NSMAF: variants seen among roughly 807,000 people sequenced by gnomAD.
NSMAF encodes neutral sphingomyelinase activation associated factor, also known as protein FAN.
In NSMAF, 90 loss-of-function variants were observed where a neutral mutation model predicts 134.9. The observed-to-expected ratio is 0.67, with a 90% CI of 0.56 to 0.79. The LOEUF (loss-of-function observed/expected upper bound fraction) is 0.79. NSMAF is among the 30% of genes least tolerant of loss of function. The probability of loss-of-function intolerance (pLI) is 0.00; values close to 1 mark genes in which losing one functional copy is unlikely to be tolerated. For missense variants in NSMAF, 1,010 were observed against 1,119.0 expected (o/e 0.90, Z 1.39); for synonymous variants, 358 against 389.6 (o/e 0.92, Z 0.96).
chr8:58,586,341 T>A, intron 28 of NSMAF, 117 bp downstream of exon 28: 2 of 1,059,484 alleles, frequency 1.9e-6, no homozygotes. Flanking sequence ...ACCTCTTTTA[T>A]CAGCAAATAG....
At chr8:58,613,384 C>A (rs926159872) in intron 9 of NSMAF, among the ~76,000 whole-genome samples, 2 of 151,996 alleles carry the variant, frequency 1.3e-5, no homozygotes, top group Admixed American at 1.3e-4. Context: ...TGTAAAGTAG[C>A]ATGAAATGAT....
intron 30 of NSMAF, among the ~76,000 whole-genome samples, chr8:58,584,500 T>C (rs1805840075): frequency 6.6e-6 from 1 of 152,136 alleles, no homozygotes; most frequent in Non-Finnish European, 1.5e-5. Flanking sequence ...ACAATACAGG[T>C]ATAACATGAC....
At chr8:58,659,360 C>T (rs1807804953) in intron 1 of NSMAF, 1 of 1,525,388 alleles carries the variant, frequency 6.6e-7, no homozygotes, top group Non-Finnish European at 8.8e-7. Context: ...GTTCCTGTCC[C>T]CGGCAGGCTC....
intron 11 of NSMAF, 91 bp from the exon 12 acceptor site, chr8:58,606,126 T>C: frequency 9.0e-7 from 1 of 1,113,988 alleles, no homozygotes; most frequent in South Asian, 1.7e-5. Flanking sequence ...AACATTCAGT[T>C]AAACATTTGT....
intron 1 of NSMAF, among the ~76,000 whole-genome samples, chr8:58,648,194 GA>G (rs570552975): frequency 4.8e-4 from 73 of 152,330 alleles, no homozygotes; most frequent in Admixed American, 3.9e-3. Flanking sequence ...GTGGAAGGTT[GA>G]ACTTAAGAGT....
chr8:58,607,191 T>C (rs1390370688), intron 11 of NSMAF, among the ~76,000 whole-genome samples: 1 of 152,248 alleles, frequency 6.6e-6, no homozygotes, highest in African/African-American at 2.4e-5. Context: ...CTTGGAATCA[T>C]ACCTTCTGTA....
Position 58,583,575 on chromosome 8 carries a change from C to T in NSMAF, c.*531G>A, listed in dbSNP as rs915234018. The T allele has an allele frequency of 6.4e-6, 1 of 156,042 alleles. No homozygotes were observed. The allele number at this position is 156,042 out of a possible 1,614,324, so 9.7% of individuals were successfully genotyped here. A position where few individuals can be genotyped will look rare whatever the true frequency, so the allele number is the denominator to read the frequency against. ...TAATGAAATACAAACCGTTCCTATA[C>T]ACAGTAAACTTACTAAGAACTGCTA... On this transcript the variant is annotated 3_prime_UTR_variant, in exon 31 of 31. Coordinates refer to ENST00000038176, the MANE Select transcript of NSMAF (RefSeq NM_003580.4).
In NSMAF at chr8:58,619,153, C is replaced by T. The variant is rs1806728786; in HGVS notation, c.557+4067G>A. On this transcript the variant is annotated intron_variant, in intron 9 of 30. Transcript: ENST00000038176. ...TAAGCAATTCACTTACCTAATATAT[C>T]CTGCCAGTATAAAAATGGAAATAAA... Among the ~76,000 whole-genome samples the T allele has an allele frequency of 2.0e-5, 3 of 152,112 alleles. No homozygotes were observed. The South Asian group carries it at 6.2e-4, about 31-fold the overall frequency.
chr8:58,648,727 CA>C (rs1807515830), intron 1 of NSMAF, among the ~76,000 whole-genome samples: 1 of 152,202 alleles, frequency 6.6e-6, no homozygotes, highest in Admixed American at 6.5e-5. Context: ...CCAAAGGGTG[CA>C]AGACATTAGC....
chr8:58,589,915 G>A lies in NSMAF; in HGVS notation c.2087+92C>T, dbSNP rs1337207265. 8.7e-6 allele frequency: 9 copies of A among 1,032,690 alleles called. No individual in the cohort carries two copies. The African/African-American group carries it at 1.3e-4, about 15-fold the overall frequency. The allele number at this position is 1,032,690 out of a possible 1,614,324, so 64.0% of individuals were successfully genotyped here. A position where few individuals can be genotyped will look rare whatever the true frequency, so the allele number is the denominator to read the frequency against. ...CCTTTAGAAAACAGTGCTGTGTCCT[G>A]GCAGGGAAAGCTTCTGGCTTTTCAC... On this transcript the variant is annotated intron_variant, in intron 25 of 30. Coordinates refer to ENST00000038176, the MANE Select transcript of NSMAF (RefSeq NM_003580.4).
chr8:58,659,733 G>T lies in NSMAF; in HGVS notation c.-102C>A. 1 of 960,634 alleles carries T rather than the reference G, an allele frequency of 1.0e-6. No homozygotes were observed. Among genetic ancestry groups the T allele is most frequent in the South Asian group, 4.7e-5 (1 of 21,168 alleles). The allele number at this position is 960,634 out of a possible 1,614,324, so 59.5% of individuals were successfully genotyped here. A position where few individuals can be genotyped will look rare whatever the true frequency, so the allele number is the denominator to read the frequency against. The stretch of plus-strand genomic sequence containing the variant: ...GGGAGGGCGGGATTGGTGGCCGGCT[G>T]GGGAGCGCGCGGCTGCCGGCCTGGC... On this transcript the variant is annotated 5_prime_UTR_variant, in exon 1 of 31. Transcript: ENST00000038176.
Position 58,586,356 on chromosome 8 carries a change from T to C in NSMAF, c.2446+102A>G, listed in dbSNP as rs1313149015. Reference sequence around the variant, plus strand: ...ACCTCTTTTATCAGCAAATAGTGTTTTTCTTTGTAAGTTTTATTGTTTATT... The same window carrying C: ...ACCTCTTTTATCAGCAAATAGTGTTCTTCTTTGTAAGTTTTATTGTTTATT... On this transcript the variant is annotated intron_variant, in intron 28 of 30. Coordinates refer to ENST00000038176, the MANE Select transcript of NSMAF (RefSeq NM_003580.4). 5.7e-6 allele frequency: 7 copies of C among 1,220,184 alleles called. 1 individual carries two copies. The Admixed American group carries it at 1.3e-4, about 22-fold the overall frequency. The allele number at this position is 1,220,184 out of a possible 1,614,324, so 75.6% of individuals were successfully genotyped here. A position where few individuals can be genotyped will look rare whatever the true frequency, so the allele number is the denominator to read the frequency against.
Position 58,654,580 on chromosome 8 carries a change from C to T in NSMAF, c.59+4993G>A, listed in dbSNP as rs113047690. Among the ~76,000 whole-genome samples the T allele has an allele frequency of 8.8e-3, 1,335 of 152,162 alleles. 22 individuals are homozygous for T. The highest frequency in any genetic ancestry group is 0.03 in the African/African-American group (1,254 of 41,500). Reference sequence around the variant, plus strand: ...AAGAAAAAAAGAAAGAAAGTTAATACTAGCATAATCAAGAATATTATACAC... The same window carrying T: ...AAGAAAAAAAGAAAGAAAGTTAATATTAGCATAATCAAGAATATTATACAC... On this transcript the variant is annotated intron_variant, in intron 1 of 30. Coordinates refer to ENST00000038176, the MANE Select transcript of NSMAF (RefSeq NM_003580.4).
At position 58,642,978 on chromosome 8, in the gene NSMAF, C is replaced by A. The variant is rs752416463; in HGVS notation, c.149+6G>T. The A allele has an allele frequency of 3.1e-6, 5 of 1,605,812 alleles. No homozygotes were observed. The South Asian group carries it at 4.4e-5, about 14-fold the overall frequency. ...TTTGTCCAAGGAGATACCGAAGCTTCCTTACCTTTCATGGTGACTGCCCTT... is the reference window on the plus strand; with the variant it reads ...TTTGTCCAAGGAGATACCGAAGCTTACTTACCTTTCATGGTGACTGCCCTT... On this transcript the variant is annotated splice_donor_region_variant and intron_variant, in intron 2 of 30. Transcript: ENST00000038176.
intron 10 of NSMAF, among the ~76,000 whole-genome samples, chr8:58,609,306 G>A (rs1806473514): frequency 1.3e-5 from 2 of 152,174 alleles, no homozygotes; most frequent in Admixed American, 6.5e-5. Context: ...CTAGAAGAAA[G>A]GTCTAAATCT....
At position 58,644,144 on chromosome 8, in the gene NSMAF, G is replaced by C. The variant is rs896231056; in HGVS notation, c.60-1071C>G. 2.6e-5 allele frequency among the ~76,000 whole-genome samples: 4 copies of C among 152,202 alleles called. No individual in the cohort carries two copies. The South Asian group carries it at 6.2e-4, about 24-fold the overall frequency. On this transcript the variant is annotated intron_variant, in intron 1 of 30. Transcript: ENST00000038176. Reference sequence around the variant, plus strand: ...ATGAAAAGTGTGGGACTTGAGATGGGCCTTAAGTTCCAGTGTGTTGGAGGA... The same window carrying C: ...ATGAAAAGTGTGGGACTTGAGATGGCCCTTAAGTTCCAGTGTGTTGGAGGA...
At chr8:58,644,701 A>G (rs1265439987) in intron 1 of NSMAF, among the ~76,000 whole-genome samples, 1 of 152,238 alleles carries the variant, frequency 6.6e-6, no homozygotes, top group Non-Finnish European at 1.5e-5. Flanking sequence ...AATAGCAAAG[A>G]CTTGGAACCA....
chr8:58,622,379 T>C (rs1318806107), intron 9 of NSMAF, among the ~76,000 whole-genome samples: 1 of 151,794 alleles, frequency 6.6e-6, no homozygotes, highest in Non-Finnish European at 1.5e-5. Flanking sequence ...ACTTCAGGTG[T>C]GCACCACCAT....
chr8:58,589,378 C>A, intron 26 of NSMAF, 74 bp downstream of exon 26: 1 of 1,222,632 alleles, frequency 8.2e-7, no homozygotes, highest in Admixed American at 3.2e-5. Context: ...TCTGTATGTA[C>A]ATTTTAAGCT....
Sources: allele counts gnomAD v4.1 joint callset (sites outside exome capture counted in the v4.1 genomes callset), GRCh38; gene constraint gnomAD v4.1.1; transcripts MANE v1.5; gene names NCBI Gene and HGNC (gene_info 2026-07-23, HGNC 2026-07-21).